SLIT3: variants seen among roughly 807,000 people sequenced by gnomAD.
SLIT3 encodes the protein slit homolog 3 protein.
SLIT3 carries 68 observed loss-of-function variants against 184.0 expected under a neutral mutation model. That is an observed-to-expected ratio of 0.37 (90% CI 0.30 to 0.45). The LOEUF (loss-of-function observed/expected upper bound fraction) is 0.45, where lower values mean the gene tolerates loss of function less well. SLIT3 is among the 20% of genes least tolerant of loss of function. The pLI is 1.00. For synonymous variants in SLIT3, 831 were observed against 828.6 expected (o/e 1.00, Z -0.05); for missense variants, 1,707 against 2,026.0 (o/e 0.84, Z 3.02).
chr5:168,882,147 C>A (rs1039601639), intron 5 of SLIT3, among the ~76,000 whole-genome samples: 11 of 152,220 alleles, frequency 7.2e-5, no homozygotes, highest in Non-Finnish European at 1.6e-4. Context: ...CCCCTGCATT[C>A]ATTACAGGGA....
intron 34 of SLIT3, 150 bp from the exon 35 acceptor site, chr5:168,670,141 T>A (rs1358950018): frequency 2.9e-6 from 2 of 686,986 alleles, no homozygotes; most frequent in Non-Finnish European, 5.0e-6. Context: ...ATCTCTTTTC[T>A]TAACCACCTT....
At chr5:168,926,862 C>CAA (rs745928959) in intron 4 of SLIT3, among the ~76,000 whole-genome samples, 5 of 147,444 alleles carry the variant, frequency 3.4e-5, no homozygotes, top group Admixed American at 6.8e-5. Flanking sequence ...TGGCTACTAT[C>CAA]AAAAAAAAAA....
intron 4 of SLIT3, among the ~76,000 whole-genome samples, chr5:168,959,232 TTGTGCAAGTTA>T (rs1762931816): frequency 6.6e-6 from 1 of 152,212 alleles, no homozygotes; most frequent in African/African-American, 2.4e-5. Context: ...ACTTGTGACT[TTGTGCAAGTTA>T]TGTCTCACTC....
At chr5:169,213,512 C>T (rs1764340013) in intron 3 of SLIT3, among the ~76,000 whole-genome samples, 2 of 152,154 alleles carry the variant, frequency 1.3e-5, no homozygotes, top group South Asian at 2.1e-4. Flanking sequence ...AGGCATCATG[C>T]TATCTGACTT....
intron 12 of SLIT3, among the ~76,000 whole-genome samples, chr5:168,777,998 G>A (rs76499203): frequency 9.1e-4 from 139 of 152,320 alleles, no homozygotes; most frequent in African/African-American, 3.0e-3. Context: ...ATGAGGTTTA[G>A]CAGTTCTATA....
At chr5:168,973,885 T>C (rs531178001) in intron 4 of SLIT3, among the ~76,000 whole-genome samples, 143 of 152,328 alleles carry the variant, frequency 9.4e-4, no homozygotes, top group Admixed American at 3.9e-4. Context: ...CTTAACACTT[T>C]GTATATAAAT....
chr5:168,976,343 GA>G (rs1754761753), intron 4 of SLIT3, among the ~76,000 whole-genome samples: 2 of 152,170 alleles, frequency 1.3e-5, no homozygotes, highest in Non-Finnish European at 2.9e-5. Flanking sequence ...CTGGGAGACT[GA>G]GTACCCACAA....
chr5:168,978,737 T>C (rs1322676590), intron 4 of SLIT3, among the ~76,000 whole-genome samples: 2 of 152,182 alleles, frequency 1.3e-5, no homozygotes, highest in African/African-American at 4.8e-5. Flanking sequence ...AATACATTAT[T>C]TCAAAACAGG....
At chr5:169,150,745 G>A (rs537992730) in intron 4 of SLIT3, among the ~76,000 whole-genome samples, 1 of 152,290 alleles carries the variant, frequency 6.6e-6, no homozygotes, top group East Asian at 1.9e-4. Context: ...TTGAACAAGA[G>A]TTCACATCTG....
rs183895905 is a variant in SLIT3 at position 168,936,450 on chromosome 5, G to A, written c.414-53114C>T. On this transcript the variant is annotated intron_variant, in intron 4 of 35. Coordinates refer to ENST00000519560, the MANE Select transcript of SLIT3 (RefSeq NM_003062.4). ...GGGTTTCACCATGTTGGTCAGTCTT[G>A]TCTCGAACTCCTGACCTCGTGATCC... Among the ~76,000 whole-genome samples, 4 of 152,264 alleles carry A rather than the reference G, an allele frequency of 2.6e-5. No homozygotes were observed. The South Asian group carries it at 6.2e-4, about 24-fold the overall frequency.
intron 4 of SLIT3, among the ~76,000 whole-genome samples, chr5:169,153,268 C>T (rs1305039280): frequency 7.5e-6 from 1 of 133,774 alleles, no homozygotes. Flanking sequence ...TTTGACTTAG[C>T]TAAATTCCCA....
At chr5:168,697,606 G>C (rs987199995) in intron 27 of SLIT3, among the ~76,000 whole-genome samples, 2 of 152,196 alleles carry the variant, frequency 1.3e-5, no homozygotes, top group African/African-American at 4.8e-5. Flanking sequence ...AGCTAAAAAA[G>C]TAAACTACAC....
intron 27 of SLIT3, among the ~76,000 whole-genome samples, chr5:168,699,291 C>T (rs759264685): frequency 2.0e-5 from 3 of 152,236 alleles, no homozygotes; most frequent in Non-Finnish European, 4.4e-5. Context: ...ATTTCTTCCC[C>T]AGACCACACG....
At chr5:169,123,734 G>A (rs1274856888) in intron 4 of SLIT3, among the ~76,000 whole-genome samples, 1 of 152,148 alleles carries the variant, frequency 6.6e-6, no homozygotes, top group East Asian at 1.9e-4. Flanking sequence ...CTGAAGACAA[G>A]GCACAATCAA....
chr5:168,848,099 C>G (rs1416394894), intron 5 of SLIT3, among the ~76,000 whole-genome samples: 1 of 152,228 alleles, frequency 6.6e-6, no homozygotes, highest in Non-Finnish European at 1.5e-5. Flanking sequence ...TGCTTCTTAT[C>G]ATGCAACATA....
chr5:169,280,822 C>G (rs1766969774), intron 1 of SLIT3, among the ~76,000 whole-genome samples: 2 of 152,064 alleles, frequency 1.3e-5, no homozygotes, highest in Non-Finnish European at 2.9e-5. Flanking sequence ...TGGGCAATAG[C>G]TTTTCTTTTG....
intron 4 of SLIT3, among the ~76,000 whole-genome samples, chr5:169,123,425 A>T: frequency 6.6e-6 from 1 of 152,032 alleles, no homozygotes; most frequent in Non-Finnish European, 1.5e-5. Flanking sequence ...CAGCTAGATC[A>T]ATTTTCCAAA....
chr5:168,847,829 C>T (rs542782128), intron 5 of SLIT3, among the ~76,000 whole-genome samples: 11 of 152,180 alleles, frequency 7.2e-5, no homozygotes, highest in African/African-American at 2.4e-4. Flanking sequence ...GACCGGGGGG[C>T]CACTGATGTG....
At chr5:169,097,337 A>G (rs1204504665) in intron 4 of SLIT3, among the ~76,000 whole-genome samples, 1 of 152,184 alleles carries the variant, frequency 6.6e-6, no homozygotes, top group Non-Finnish European at 1.5e-5. Context: ...TACCCACAAA[A>G]GAATGAAAGG....
Sources: allele counts gnomAD v4.1 joint callset (sites outside exome capture counted in the v4.1 genomes callset), GRCh38; gene constraint gnomAD v4.1.1; transcripts MANE v1.5; gene names NCBI Gene and HGNC (gene_info 2026-07-23, HGNC 2026-07-21).